SDK1: variants seen among roughly 807,000 people sequenced by gnomAD.
The protein encoded by SDK1 is sidekick cell adhesion molecule 1.
SDK1 carries 157 observed loss-of-function variants against 245.5 expected under a neutral mutation model. The observed-to-expected ratio is 0.64, with a 90% confidence interval of 0.56 to 0.73. The LOEUF is 0.73. SDK1 is among the 30% of genes least tolerant of loss of function. SDK1 has a pLI of 0.00. For missense variants in SDK1, 3,583 were observed against 3,002.3 expected (o/e 1.19, Z -4.52); for synonymous variants, 1,647 against 1,278.5 (o/e 1.29, Z -6.15).
intron 5 of SDK1, among the ~76,000 whole-genome samples, chr7:3,904,786 G>T (rs975039650): frequency 6.6e-6 from 1 of 152,142 alleles, no homozygotes; most frequent in Non-Finnish European, 1.5e-5. Flanking sequence ...AAGGTCAGGA[G>T]ATCGAGACCA....
chr7:4,247,342 C>A (rs1786946391), intron 44 of SDK1, among the ~76,000 whole-genome samples: 1 of 152,202 alleles, frequency 6.6e-6, no homozygotes, highest in Admixed American at 6.5e-5. Context: ...GCCGGGTTTG[C>A]TGTCCGCACC....
intron 44 of SDK1, among the ~76,000 whole-genome samples, chr7:4,262,688 C>G (rs532546358): frequency 6.2e-5 from 9 of 145,890 alleles, no homozygotes; most frequent in Non-Finnish European, 1.4e-4. Context: ...GATGCACCCC[C>G]CAATCCTCTC....
chr7:3,649,536 C>G (rs749846826), intron 4 of SDK1, among the ~76,000 whole-genome samples: 5 of 151,958 alleles, frequency 3.3e-5, no homozygotes, highest in Non-Finnish European at 7.4e-5. Context: ...TTTCTAGCTT[C>G]ATTCATTCAA....
At chr7:3,567,302 A>T (rs1229211265) in intron 1 of SDK1, among the ~76,000 whole-genome samples, 1 of 152,194 alleles carries the variant, frequency 6.6e-6, no homozygotes, top group Non-Finnish European at 1.5e-5. Context: ...TGAGAATGAA[A>T]TGGCTTGATA....
chr7:3,943,828 G>A (rs1262380828), intron 5 of SDK1, among the ~76,000 whole-genome samples: 2 of 152,090 alleles, frequency 1.3e-5, no homozygotes, highest in Admixed American at 6.5e-5. Flanking sequence ...TTCATGTGGG[G>A]GAAATTGACT....
At chr7:3,801,371 A>G (rs1282552958) in intron 4 of SDK1, among the ~76,000 whole-genome samples, 1 of 152,240 alleles carries the variant, frequency 6.6e-6, no homozygotes, top group Admixed American at 6.5e-5. Context: ...AATTAAAAGC[A>G]TGAATTCCCT....
intron 1 of SDK1, among the ~76,000 whole-genome samples, chr7:3,441,131 T>C (rs1050102838): frequency 2.0e-5 from 3 of 152,204 alleles, no homozygotes; most frequent in African/African-American, 4.8e-5. Context: ...CAGTGAAATA[T>C]TTTGAGACAG....
rs553908539 is a variant in SDK1 at position 3,432,740 on chromosome 7, A to AT, written c.298+130857dup. On this transcript the variant is annotated intron_variant, in intron 1 of 44. Transcript: ENST00000404826. ...ATTGATCCGGTTGTGAAATAGATGG[A>AT]TACCCACATTTAAGTTGCTTTTGAA... 1.2e-3 allele frequency among the ~76,000 whole-genome samples: 190 copies of AT among 152,272 alleles called. 4 individuals are homozygous for AT. Among genetic ancestry groups the AT allele is most frequent in the African/African-American group, 4.4e-3 (184 of 41,550 alleles).
chr7:4,246,070 A>T (rs763103652), intron 44 of SDK1, among the ~76,000 whole-genome samples: 30 of 152,296 alleles, frequency 2.0e-4, no homozygotes, highest in Non-Finnish European at 3.4e-4. Flanking sequence ...GTGACTCCTA[A>T]GTCCTGGGAT....
intron 5 of SDK1, among the ~76,000 whole-genome samples, chr7:3,877,341 T>TGAGG (rs1781100722): frequency 6.6e-6 from 1 of 152,242 alleles, no homozygotes; most frequent in Non-Finnish European, 1.5e-5. Flanking sequence ...AGGGACCAAC[T>TGAGG]GAGGTTCCTT....
intron 43 of SDK1, among the ~76,000 whole-genome samples, 191 bp downstream of exon 43, chr7:4,242,104 C>T (rs1487568601): frequency 1.3e-5 from 2 of 152,108 alleles, no homozygotes; most frequent in Admixed American, 6.5e-5. Context: ...GTCGGCAGAG[C>T]GGCTGGAAAT....
chr7:3,401,489 T>G (rs1388578642), intron 1 of SDK1, among the ~76,000 whole-genome samples: 2 of 152,160 alleles, frequency 1.3e-5, no homozygotes, highest in Admixed American at 6.5e-5. Flanking sequence ...ATTCCATGTA[T>G]GGAACCCATA....
chr7:3,639,143 A>G (rs1455127417), intron 3 of SDK1, 33 bp downstream of exon 3: 1 of 1,272,328 alleles, frequency 7.9e-7, no homozygotes, highest in Non-Finnish European at 1.1e-6. Flanking sequence ...TCCAAATGTT[A>G]AAGAACAAAG....
intron 3 of SDK1, 39 bp downstream of exon 3, chr7:3,639,149 C>T (rs982703935): frequency 8.6e-7 from 1 of 1,166,832 alleles, no homozygotes; most frequent in African/African-American, 1.5e-5. Flanking sequence ...TGTTAAAGAA[C>T]AAAGTGTCGC....
chr7:3,922,340 C>G (rs1346588353), intron 5 of SDK1, among the ~76,000 whole-genome samples: 5 of 152,224 alleles, frequency 3.3e-5, no homozygotes, highest in Non-Finnish European at 5.9e-5. Flanking sequence ...GGCACCTCCT[C>G]CCAGCTCCAA....
At chr7:3,990,232 G>C (rs768354057) in intron 14 of SDK1, among the ~76,000 whole-genome samples, 4 of 152,250 alleles carry the variant, frequency 2.6e-5, no homozygotes, top group African/African-American at 9.6e-5. Context: ...ACACCTTCCA[G>C]TCCTGGGCAC....
intron 1 of SDK1, among the ~76,000 whole-genome samples, chr7:3,509,326 C>G (rs990782466): frequency 1.3e-5 from 2 of 152,060 alleles, no homozygotes; most frequent in Non-Finnish European, 2.9e-5. Context: ...AATCCTGGAG[C>G]CGGAGCTGCT....
At chr7:3,910,169 A>G (rs1165518319) in intron 5 of SDK1, among the ~76,000 whole-genome samples, 1 of 152,178 alleles carries the variant, frequency 6.6e-6, no homozygotes, top group Non-Finnish European at 1.5e-5. Context: ...TTCCCCTGGA[A>G]TGTGCAGCGC....
intron 1 of SDK1, among the ~76,000 whole-genome samples, chr7:3,467,029 C>T (rs55646958): frequency 7.3e-6 from 1 of 137,556 alleles, no homozygotes; most frequent in Admixed American, 7.3e-5. Context: ...CACACACACA[C>T]AGAGATGTAA....
Sources: gnomAD v4.1 joint callset for allele counts (sites outside exome capture counted in the v4.1 genomes callset) on GRCh38, gnomAD v4.1.1 for gene constraint, MANE v1.5 for transcripts, NCBI Gene and HGNC (gene_info 2026-07-23, HGNC 2026-07-21) for gene names.